Variants in USP31 observed in about 807,000 individuals in gnomAD.
The protein encoded by USP31 is ubiquitin specific peptidase 31, also known as ubiquitin carboxyl-terminal hydrolase 31.
Under a neutral mutation model 119.4 loss-of-function variants are expected in USP31, and 44 were observed. That is an observed-to-expected ratio of 0.37 (90% CI 0.29 to 0.47). USP31 has a LOEUF of 0.47. Among genes scored for constraint, USP31 ranks in the 20% least tolerant of loss-of-function variants. The pLI, the probability that USP31 is intolerant of heterozygous loss-of-function variation, is 0.99. For missense variants in USP31, 1,643 were observed against 1,730.2 expected (o/e 0.95, Z 0.89); for synonymous variants, 749 against 705.6 (o/e 1.06, Z -0.97).
rs770147310 is a variant in USP31 at position 23,105,567 on chromosome 16, A to G, written c.963T>C (p.Tyr321=). The G allele has an allele frequency of 4.3e-6, 7 of 1,613,728 alleles. No individual in the cohort carries two copies. The highest frequency in any genetic ancestry group is 5.9e-6 in the Non-Finnish European group (7 of 1,179,932). Residue 321 remains tyrosine, a synonymous_variant, in exon 5 of 16, where the codon TAT becomes TAC. Coordinates refer to ENST00000219689, the MANE Select transcript of USP31 (RefSeq NM_020718.4). ...ATTTGCCTTGATACACTACAGTGAC[A>G]TAGAGAGGCCTGTACAGATCAAAGT... The part of the protein sequence containing the change: ...PIPLPHTRPL[Y]VTVVYQGKCS...
intron 15 of USP31, among the ~76,000 whole-genome samples, chr16:23,071,102 G>A (rs1321533801): frequency 6.6e-6 from 1 of 152,158 alleles, no homozygotes; most frequent in Admixed American, 6.5e-5. Flanking sequence ...AGGAGCTTAG[G>A]AATTGCAGTC....
rs891357503 is a variant in USP31 at position 23,063,520 on chromosome 16, C to G, written c.*4526G>C. 3 of 152,634 alleles carry G rather than the reference C, an allele frequency of 2.0e-5. No homozygotes were observed. The South Asian group carries it at 6.2e-4, about 32-fold the overall frequency. The allele number at this position is 152,634 out of a possible 1,614,324, so 9.5% of individuals were successfully genotyped here. ...AAAACACTTTAGGAAAGTCTTCAGG[C>G]TAAATACAGTATGTACACCAATGAT... On this transcript the variant is annotated 3_prime_UTR_variant, in exon 16 of 16. Transcript: ENST00000219689.
chr16:23,110,410 A>T (rs1378960415), intron 1 of USP31, among the ~76,000 whole-genome samples: 1 of 152,214 alleles, frequency 6.6e-6, no homozygotes, highest in African/African-American at 2.4e-5. Context: ...ACATGCACAA[A>T]CAAAGATACA....
intron 1 of USP31, among the ~76,000 whole-genome samples, chr16:23,112,408 G>A (rs756809280): frequency 9.2e-5 from 14 of 151,926 alleles, no homozygotes; most frequent in African/African-American, 2.9e-4. Flanking sequence ...GTGAAACTCC[G>A]TCTCCACTAA....
chr16:23,140,058 C>T (rs1903310245), intron 1 of USP31, among the ~76,000 whole-genome samples: 2 of 152,072 alleles, frequency 1.3e-5, no homozygotes, highest in South Asian at 4.1e-4. Flanking sequence ...TTATTTTCTC[C>T]TCCATTTGAT....
At chr16:23,126,098 T>C (rs1245494822) in intron 1 of USP31, among the ~76,000 whole-genome samples, 1 of 151,514 alleles carries the variant, frequency 6.6e-6, no homozygotes, top group African/African-American at 2.4e-5. Flanking sequence ...TGAGGATCAC[T>C]TGAGGCCAGG....
chr16:23,119,569 C>T (rs1398946037), intron 1 of USP31, among the ~76,000 whole-genome samples: 1 of 152,224 alleles, frequency 6.6e-6, no homozygotes, highest in Non-Finnish European at 1.5e-5. Context: ...ACATAAAGCA[C>T]GACTGAGCTA....
At chr16:23,106,800 A>T (rs1005325734) in intron 2 of USP31, among the ~76,000 whole-genome samples, 1 of 152,090 alleles carries the variant, frequency 6.6e-6, no homozygotes, top group Non-Finnish European at 1.5e-5. Context: ...TCTAATAAGT[A>T]ATCCCCAACC....
intron 1 of USP31, among the ~76,000 whole-genome samples, chr16:23,136,084 G>T (rs1212249160): frequency 6.6e-6 from 1 of 152,146 alleles, no homozygotes; most frequent in East Asian, 1.9e-4. Flanking sequence ...AGGGTACCAA[G>T]ATCATTCAAC....
At chr16:23,075,819 G>C (rs1271678357) in intron 13 of USP31, among the ~76,000 whole-genome samples, 1 of 152,184 alleles carries the variant, frequency 6.6e-6, no homozygotes, top group African/African-American at 2.4e-5. Flanking sequence ...GGCCATGGTG[G>C]CTTATGCCTA....
chr16:23,140,943 TCTC>T (rs913507443), intron 1 of USP31, among the ~76,000 whole-genome samples: 27 of 152,040 alleles, frequency 1.8e-4, no homozygotes, highest in African/African-American at 6.3e-4. Context: ...TCCATCCACT[TCTC>T]CACCTCCCTC....
At chr16:23,084,748 A>G (rs945632618) in intron 11 of USP31, 112 bp downstream of exon 11, 1 of 1,436,366 alleles carries the variant, frequency 7.0e-7, no homozygotes, top group South Asian at 1.3e-5. Flanking sequence ...ACTTACATAT[A>G]TGCAAAATCC....
intron 1 of USP31, among the ~76,000 whole-genome samples, chr16:23,141,977 T>C (rs1438424374): frequency 6.6e-6 from 1 of 152,190 alleles, no homozygotes; most frequent in Non-Finnish European, 1.5e-5. Flanking sequence ...CCAGTGAACT[T>C]TCCTCATCAG....
At chr16:23,126,244 G>A (rs1278902062) in intron 1 of USP31, among the ~76,000 whole-genome samples, 1 of 150,190 alleles carries the variant, frequency 6.7e-6, no homozygotes, top group Non-Finnish European at 1.5e-5. Context: ...GATTGCTTGA[G>A]CCCAAGTTTG....
intron 13 of USP31, among the ~76,000 whole-genome samples, chr16:23,074,854 C>A (rs1900494721): frequency 6.6e-6 from 1 of 152,184 alleles, no homozygotes; most frequent in African/African-American, 2.4e-5. Flanking sequence ...TAAGCTTGAT[C>A]CAGAAAAGTA....
At chr16:23,101,549 G>A (rs1444504061) in intron 6 of USP31, among the ~76,000 whole-genome samples, 7 of 152,128 alleles carry the variant, frequency 4.6e-5, no homozygotes, top group East Asian at 3.9e-4. Flanking sequence ...CTTGCATCAC[G>A]ATCACCTACC....
intron 1 of USP31, among the ~76,000 whole-genome samples, chr16:23,140,035 T>C (rs1254527389): frequency 6.6e-6 from 1 of 152,206 alleles, no homozygotes; most frequent in Non-Finnish European, 1.5e-5. Flanking sequence ...CTGTGATTGT[T>C]TTCTCGCTGT....
chr16:23,096,055 G>C (rs1457209831), intron 6 of USP31, among the ~76,000 whole-genome samples: 1 of 151,978 alleles, frequency 6.6e-6, no homozygotes, highest in Admixed American at 6.6e-5. Context: ...CTGGCAAACT[G>C]GATAGAGTCA....
intron 6 of USP31, among the ~76,000 whole-genome samples, chr16:23,095,542 A>G (rs918537435): frequency 6.6e-6 from 1 of 152,200 alleles, no homozygotes; most frequent in Non-Finnish European, 1.5e-5. Context: ...AAGACACATA[A>G]TTGTCAGATT....
Sources: gnomAD v4.1 joint callset for allele counts (sites outside exome capture counted in the v4.1 genomes callset) on GRCh38, gnomAD v4.1.1 for gene constraint, MANE v1.5 for transcripts, NCBI Gene and HGNC (gene_info 2026-07-23, HGNC 2026-07-21) for gene names.